PATJ: variants seen among roughly 807,000 people sequenced by gnomAD.
The protein encoded by PATJ is PATJ crumbs cell polarity complex component.
PATJ carries 190 observed loss-of-function variants against 224.9 expected under a neutral mutation model. That is an observed-to-expected ratio of 0.84 (90% CI 0.75 to 0.95). The LOEUF is 0.95. PATJ is among the 40% of genes least tolerant of loss of function. PATJ has a pLI of 0.00. For synonymous variants in PATJ, 769 were observed against 820.3 expected, an observed-to-expected ratio of 0.94 and a Z score of 1.07; for missense variants, 2,121 against 2,270.3, an observed-to-expected ratio of 0.93 and a Z score of 1.34.
At chr1:61,788,625 T>C (rs1649102309) in intron 8 of PATJ, among the ~76,000 whole-genome samples, 1 of 152,204 alleles carries the variant, frequency 6.6e-6, no homozygotes, top group Non-Finnish European at 1.5e-5. Context: ...GAAGACATAA[T>C]AAAGTAAAAG....
rs114809811 is a variant in PATJ at position 62,043,753 on chromosome 1, G to A, written c.4032+5704G>A. Among the ~76,000 whole-genome samples, 884 of 151,960 alleles carry A rather than the reference G, an allele frequency of 5.8e-3. 8 individuals carry two copies. The highest frequency in any genetic ancestry group is 0.017 in the African/African-American group (717 of 41,434). On this transcript the variant is annotated intron_variant, in intron 30 of 43. Transcript: ENST00000642238. ...GGGGGGGCAGTTATTTTTTGAAACA[G>A]GATCTCGCTCTGTTGCCAGGCTGGA...
chr1:61,789,026 G>A (rs1649204375), intron 8 of PATJ, among the ~76,000 whole-genome samples: 1 of 152,102 alleles, frequency 6.6e-6, no homozygotes, highest in African/African-American at 2.4e-5. Flanking sequence ...AAAGAGAAAT[G>A]GGCCAGATGC....
chr1:61,978,936 T>C (rs1433664849), intron 27 of PATJ, among the ~76,000 whole-genome samples: 1 of 152,096 alleles, frequency 6.6e-6, no homozygotes, highest in Non-Finnish European at 1.5e-5. Flanking sequence ...TAATATCCTA[T>C]GATGATAGGA....
At chr1:61,900,836 G>T (rs113550198) in intron 23 of PATJ, among the ~76,000 whole-genome samples, 1 of 152,032 alleles carries the variant, frequency 6.6e-6, no homozygotes, top group Admixed American at 6.5e-5. Flanking sequence ...TGATCTGCCC[G>T]CCTCGGCCTC....
chr1:61,825,989 T>C (rs1658181423), intron 15 of PATJ, among the ~76,000 whole-genome samples: 1 of 152,206 alleles, frequency 6.6e-6, no homozygotes, highest in Admixed American at 6.5e-5. Flanking sequence ...CTGCCTCTTC[T>C]TGTGTAAAGG....
intron 28 of PATJ, among the ~76,000 whole-genome samples, chr1:61,997,318 C>G (rs533472110): frequency 6.6e-6 from 1 of 152,284 alleles, no homozygotes; most frequent in Admixed American, 6.5e-5. Context: ...ATCTGCAACC[C>G]GGTTCACAAC....
chr1:61,968,442 A>G (rs1163427579), intron 27 of PATJ, among the ~76,000 whole-genome samples: 1 of 152,222 alleles, frequency 6.6e-6, no homozygotes, highest in African/African-American at 2.4e-5. Context: ...AATATATAAA[A>G]TTTATCATCT....
intron 22 of PATJ, among the ~76,000 whole-genome samples, chr1:61,887,941 T>C (rs1669111621): frequency 6.6e-6 from 1 of 152,182 alleles, no homozygotes; most frequent in African/African-American, 2.4e-5. Flanking sequence ...ATATCTTAGA[T>C]TTAGATGATG....
intron 27 of PATJ, among the ~76,000 whole-genome samples, chr1:61,928,961 A>T (rs758211870): frequency 5.3e-5 from 8 of 152,192 alleles, no homozygotes; most frequent in Non-Finnish European, 8.8e-5. Context: ...AACAGTGTTA[A>T]GTGAGTCTGC....
At chr1:61,923,981 T>C (rs1289889412) in intron 26 of PATJ, among the ~76,000 whole-genome samples, 1 of 151,856 alleles carries the variant, frequency 6.6e-6, no homozygotes, top group Non-Finnish European at 1.5e-5. Flanking sequence ...TGAGCAGATC[T>C]TGAATGAGTC....
chr1:61,970,017 T>A (rs1296316725), intron 27 of PATJ, among the ~76,000 whole-genome samples: 1 of 152,076 alleles, frequency 6.6e-6, no homozygotes, highest in Non-Finnish European at 1.5e-5. Context: ...TTTGAACAAA[T>A]GTTTTAAGTT....
rs1263435837 is a variant in PATJ, at chr1:61,808,593, G to GT, written c.1683+65dup. Reference sequence around the variant, plus strand: ...TTTTTAAGAGATAGGGTCTCACTATGTTGTCCAGGTTGGTCTCAAACTCAT... The same window carrying GT: ...TTTTTAAGAGATAGGGTCTCACTATGTTTGTCCAGGTTGGTCTCAAACTCAT... On this transcript the variant is annotated intron_variant, in intron 14 of 43. Coordinates refer to ENST00000642238, the MANE Select transcript of PATJ (RefSeq NM_001350145.3). 7.4e-5 allele frequency: 76 copies of GT among 1,021,514 alleles called. No individual in the cohort carries two copies. In the East Asian group the frequency reaches 1.9e-3, roughly 25 times the overall value. 63.3% of individuals were successfully genotyped at this position (1,021,514 alleles called of 1,614,324 possible).
At chr1:61,932,985 T>A (rs1436330470) in intron 27 of PATJ, among the ~76,000 whole-genome samples, 1 of 152,238 alleles carries the variant, frequency 6.6e-6, no homozygotes, top group Non-Finnish European at 1.5e-5. Flanking sequence ...GAGTTTGGTA[T>A]GTAATGGGCA....
chr1:61,900,653 A>G (rs539175507), intron 23 of PATJ, among the ~76,000 whole-genome samples: 61 of 152,004 alleles, frequency 4.0e-4, no homozygotes, highest in Admixed American at 9.2e-4. Context: ...GCAGTGGCGC[A>G]ATCTCGGCTC....
chr1:61,791,361 T>C lies in PATJ; in HGVS notation c.1082T>C (p.Phe361Ser). The C allele has an allele frequency of 1.2e-6, 2 of 1,609,250 alleles. No homozygotes were observed. Among genetic ancestry groups the C allele is most frequent in the Non-Finnish European group, 1.7e-6 (2 of 1,176,044 alleles). The change falls in exon 9 of 44, where the codon TTT becomes TCT. Residue 361 changes from phenylalanine (F) to serine (S), a missense_variant. Phe to Ser is a radical substitution (Grantham distance 155). Coordinates refer to ENST00000642238, the MANE Select transcript of PATJ (RefSeq NM_001350145.3). ...TTTTCCTTTTAGGACAGTTCTCTTT[T>C]TGAAACTTATAATGTTGAGCTTGTG... ...SKGPGSDSSL[F>S]ETYNVELVRK...
At chr1:61,764,989 C>T (rs1646177871) in intron 3 of PATJ, among the ~76,000 whole-genome samples, 1 of 140,722 alleles carries the variant, frequency 7.1e-6, no homozygotes, top group Admixed American at 7.4e-5. Flanking sequence ...TGTACACAGT[C>T]ATATTTTATG....
At chr1:61,944,373 G>A (rs1231495035) in intron 27 of PATJ, among the ~76,000 whole-genome samples, 1 of 152,140 alleles carries the variant, frequency 6.6e-6, no homozygotes, top group African/African-American at 2.4e-5. Flanking sequence ...GTGTAGAGAA[G>A]TCCTTAAATG....
intron 1 of PATJ, among the ~76,000 whole-genome samples, chr1:61,757,511 G>A (rs1273423336): frequency 1.3e-5 from 2 of 151,914 alleles, no homozygotes; most frequent in East Asian, 3.9e-4. Flanking sequence ...TTAGCCCTCT[G>A]AGTAGCTGGG....
chr1:61,749,343 G>C (rs969429505), intron 1 of PATJ, among the ~76,000 whole-genome samples: 10 of 151,990 alleles, frequency 6.6e-5, no homozygotes, highest in African/African-American at 2.4e-4. Context: ...TACAAACAAG[G>C]GGACTGAGGT....
Sources: gnomAD v4.1 joint callset for allele counts (sites outside exome capture counted in the v4.1 genomes callset) on GRCh38, gnomAD v4.1.1 for gene constraint, MANE v1.5 for transcripts, NCBI Gene and HGNC (gene_info 2026-07-23, HGNC 2026-07-21) for gene names.